NAALADL2: variants seen among roughly 807,000 people sequenced by gnomAD.
NAALADL2 encodes inactive N-acetylated-alpha-linked acidic dipeptidase-like protein 2.
Under a neutral mutation model 87.2 loss-of-function variants are expected in NAALADL2, and 76 were observed. That is an observed-to-expected ratio of 0.87 (90% confidence interval 0.72 to 1.05). NAALADL2 has a LOEUF of 1.05. Ranked by LOEUF, NAALADL2 falls within the 50% of genes least tolerant of loss-of-function variation. The pLI is 0.00. For synonymous variants in NAALADL2, 354 were observed against 331.0 expected, an observed-to-expected ratio of 1.07 and a Z score of -0.75; for missense variants, 1,089 against 945.8, an observed-to-expected ratio of 1.15 and a Z score of -1.99.
chr3:174,542,048 T>A (rs904034728), intron 1 of NAALADL2, among the ~76,000 whole-genome samples: 1 of 152,086 alleles, frequency 6.6e-6, no homozygotes, highest in African/African-American at 2.4e-5. Flanking sequence ...TCTGTGCAAA[T>A]TAAGGGATGG....
intron 10 of NAALADL2, among the ~76,000 whole-genome samples, chr3:175,604,901 G>C (rs1350633784): frequency 2.6e-5 from 4 of 152,182 alleles, no homozygotes; most frequent in African/African-American, 9.7e-5. Context: ...CTAGGCAAGA[G>C]AGATTGGCAG....
At chr3:175,769,866 T>C (rs1683507863) in intron 13 of NAALADL2, among the ~76,000 whole-genome samples, 4 of 152,164 alleles carry the variant, frequency 2.6e-5, no homozygotes, top group Non-Finnish European at 5.9e-5. Flanking sequence ...GTTGATGTTA[T>C]AGTCTTGACT....
rs138055414 is a variant in NAALADL2 at position 175,370,388 on chromosome 3, C to T, written c.1090+46063C>T. Among the ~76,000 whole-genome samples the T allele has an allele frequency of 1.4e-3, 219 of 151,596 alleles. 1 individual carries two copies. The highest frequency in any genetic ancestry group is 5.0e-3 in the African/African-American group (205 of 41,254). ...TATTTTATAAAATATATTTGTGAACCATAAAACCCCATATAAAATGGAAAT... is the reference window on the plus strand; with the variant it reads ...TATTTTATAAAATATATTTGTGAACTATAAAACCCCATATAAAATGGAAAT... On this transcript the variant is annotated intron_variant, in intron 5 of 13. Coordinates refer to ENST00000454872, the MANE Select transcript of NAALADL2 (RefSeq NM_207015.3).
At chr3:175,480,688 A>G (rs764052321) in intron 9 of NAALADL2, among the ~76,000 whole-genome samples, 5 of 151,896 alleles carry the variant, frequency 3.3e-5, no homozygotes, top group African/African-American at 4.8e-5. Flanking sequence ...CTTCTAAAAT[A>G]TTAATCAGAT....
At chr3:175,596,585 C>T (rs1464269263) in intron 10 of NAALADL2, among the ~76,000 whole-genome samples, 2 of 151,738 alleles carry the variant, frequency 1.3e-5, no homozygotes, top group African/African-American at 4.8e-5. Flanking sequence ...TGAGCGAATC[C>T]AGACTGAGTT....
Position 174,572,613 on chromosome 3 carries a change from A to T in NAALADL2, c.-115+21976A>T, listed in dbSNP as rs542540269. Reference sequence around the variant, plus strand: ...ATTTGTTACACAAAAATTAAGGAAGATCTACCTATAAACCATTGTGTCTAA... The same window carrying T: ...ATTTGTTACACAAAAATTAAGGAAGTTCTACCTATAAACCATTGTGTCTAA... On this transcript the variant is annotated intron_variant, in intron 2 of 3. Coordinates refer to the NAALADL2 transcript ENST00000434257. Among the ~76,000 whole-genome samples, 81 of 152,336 alleles carry T rather than the reference A, an allele frequency of 5.3e-4. No homozygotes were observed. In the South Asian group the frequency reaches 0.016, roughly 30 times the overall value.
At chr3:175,105,370 A>T (rs761105988) in intron 2 of NAALADL2, among the ~76,000 whole-genome samples, 1 of 152,026 alleles carries the variant, frequency 6.6e-6, no homozygotes, top group Non-Finnish European at 1.5e-5. Context: ...CTTCATGTCC[A>T]TGAGGATTAT....
chr3:174,649,034 C>T (rs1026431399), intron 2 of NAALADL2, among the ~76,000 whole-genome samples: 2 of 152,048 alleles, frequency 1.3e-5, no homozygotes, highest in African/African-American at 4.8e-5. Flanking sequence ...TACCTTGGCT[C>T]ACTGCAACCT....
intron 10 of NAALADL2, among the ~76,000 whole-genome samples, chr3:175,580,742 T>C (rs781332831): frequency 1.3e-5 from 2 of 152,182 alleles, no homozygotes; most frequent in African/African-American, 2.4e-5. Flanking sequence ...TTATCTTTCT[T>C]TGTAACTTAT....
At chr3:174,548,663 G>T (rs1711719498) in intron 1 of NAALADL2, among the ~76,000 whole-genome samples, 1 of 152,134 alleles carries the variant, frequency 6.6e-6, no homozygotes, top group Non-Finnish European at 1.5e-5. Flanking sequence ...TAACAGGATA[G>T]AATTGCTCTG....
chr3:175,053,190 T>C (rs914006567), intron 1 of NAALADL2, among the ~76,000 whole-genome samples: 2 of 152,178 alleles, frequency 1.3e-5, no homozygotes, highest in East Asian at 3.8e-4. Flanking sequence ...AACTATGTCA[T>C]AGAGTGATTA....
intron 2 of NAALADL2, among the ~76,000 whole-genome samples, chr3:174,700,485 C>T (rs1729452264): frequency 6.6e-6 from 1 of 152,116 alleles, no homozygotes; most frequent in Non-Finnish European, 1.5e-5. Flanking sequence ...CTCCATGGAA[C>T]AGCCATGAGA....
intron 3 of NAALADL2, among the ~76,000 whole-genome samples, chr3:175,241,383 G>A (rs2109604944): frequency 6.6e-6 from 1 of 152,120 alleles, no homozygotes; most frequent in East Asian, 1.9e-4. Flanking sequence ...ACCATGCCCA[G>A]CTAATTTTTG....
chr3:175,446,436 T>A (rs1313525804), intron 5 of NAALADL2, among the ~76,000 whole-genome samples: 2 of 152,120 alleles, frequency 1.3e-5, no homozygotes, highest in East Asian at 1.9e-4. Context: ...TGCACGGGGT[T>A]TCACCTTATT....
intron 10 of NAALADL2, among the ~76,000 whole-genome samples, chr3:175,625,597 C>A (rs1726873405): frequency 6.6e-6 from 1 of 151,904 alleles, no homozygotes; most frequent in Admixed American, 6.6e-5. Flanking sequence ...GGGAAATGAT[C>A]TTTGTTAACA....
At chr3:174,838,640 G>A (rs1012514074) in intron 3 of NAALADL2, among the ~76,000 whole-genome samples, 1 of 152,110 alleles carries the variant, frequency 6.6e-6, no homozygotes, top group Non-Finnish European at 1.5e-5. Flanking sequence ...AAAGAATTCA[G>A]CAAAGTTTTC....
chr3:175,279,959 T>C (rs1428397654), intron 4 of NAALADL2, among the ~76,000 whole-genome samples: 1 of 151,998 alleles, frequency 6.6e-6, no homozygotes, highest in Non-Finnish European at 1.5e-5. Flanking sequence ...AGAAATTGTG[T>C]GAATAGGATT....
At position 175,413,672 on chromosome 3, in the gene NAALADL2, G is replaced by A. The variant is rs192569458; in HGVS notation, c.1091-33557G>A. Among the ~76,000 whole-genome samples, 315 of 151,826 alleles carry A rather than the reference G, an allele frequency of 2.1e-3. 1 individual carries two copies. The highest frequency in any genetic ancestry group is 0.014 in the South Asian group (68 of 4,798). Reference sequence around the variant, plus strand: ...ATTTAGAAAATTACCTTGAGACAAAGGCAGCCTCCAGTTTCACTACCTGGA... The same window carrying A: ...ATTTAGAAAATTACCTTGAGACAAAAGCAGCCTCCAGTTTCACTACCTGGA... On this transcript the variant is annotated intron_variant, in intron 5 of 13. Transcript: ENST00000454872.
intron 2 of NAALADL2, among the ~76,000 whole-genome samples, chr3:174,606,488 G>A (rs1719079306): frequency 6.6e-6 from 1 of 152,030 alleles, no homozygotes. Flanking sequence ...AGGTGATGGA[G>A]CTGAAAGCCA....
Sources: gnomAD v4.1 joint callset for allele counts (sites outside exome capture counted in the v4.1 genomes callset) on GRCh38, gnomAD v4.1.1 for gene constraint, MANE v1.5 for transcripts, NCBI Gene and HGNC (gene_info 2026-07-23, HGNC 2026-07-21) for gene names.